The following STK39 variants were observed in gnomAD, a reference collection of about 807,000 sequenced individuals.
The protein encoded by STK39 is serine/threonine kinase 39.
A neutral mutation model predicts 77.8 loss-of-function variants in STK39; 20 were observed. That is an observed-to-expected ratio of 0.26 (90% CI 0.18 to 0.37). The LOEUF is 0.37. Among genes scored for constraint, STK39 ranks in the 10% least tolerant of loss-of-function variants. The pLI is 1.00. For synonymous variants in STK39, 246 were observed against 234.1 expected, an observed-to-expected ratio of 1.05 and a Z score of -0.47; for missense variants, 479 against 656.5, an observed-to-expected ratio of 0.73 and a Z score of 2.95.
At chr2:168,087,038 G>T (rs1686385940) in intron 10 of STK39, among the ~76,000 whole-genome samples, 1 of 152,210 alleles carries the variant, frequency 6.6e-6, no homozygotes, top group South Asian at 2.1e-4. Context: ...AAGCTGATCT[G>T]TAACTTTAGC....
At chr2:168,005,864 G>A (rs1684120490) in intron 16 of STK39, among the ~76,000 whole-genome samples, 1 of 152,148 alleles carries the variant, frequency 6.6e-6, no homozygotes. Flanking sequence ...TTCTTCATGT[G>A]CAGGAAAAGA....
chr2:168,027,403 C>T (rs193170743), intron 14 of STK39, among the ~76,000 whole-genome samples: 5 of 152,298 alleles, frequency 3.3e-5, no homozygotes, highest in African/African-American at 9.6e-5. Flanking sequence ...CACCTCCACA[C>T]GTGCAGAAAT....
chr2:168,184,309 T>C (rs747375081), intron 1 of STK39, among the ~76,000 whole-genome samples: 1 of 152,218 alleles, frequency 6.6e-6, no homozygotes, highest in Non-Finnish European at 1.5e-5. Flanking sequence ...GTTACTGCTT[T>C]ACAACTACAG....
At chr2:168,223,251 T>TATA (rs772183812) in intron 1 of STK39, among the ~76,000 whole-genome samples, 6 of 152,122 alleles carry the variant, frequency 3.9e-5, no homozygotes, top group Non-Finnish European at 7.3e-5. Flanking sequence ...GGCTCATGCC[T>TATA]ATAATCTCAG....
intron 2 of STK39, among the ~76,000 whole-genome samples, chr2:168,170,672 G>A (rs1401351072): frequency 1.3e-5 from 2 of 152,218 alleles, no homozygotes; most frequent in African/African-American, 2.4e-5. Context: ...AGGCAGAGAG[G>A]AAGGTTGGGG....
intron 16 of STK39, among the ~76,000 whole-genome samples, chr2:167,980,860 T>C (rs1683399281): frequency 6.6e-6 from 1 of 151,840 alleles, no homozygotes; most frequent in African/African-American, 2.4e-5. Flanking sequence ...CCAAAACCTT[T>C]AAAGGTTTTA....
chr2:167,988,235 C>T (rs1683608381), intron 16 of STK39, among the ~76,000 whole-genome samples: 2 of 152,154 alleles, frequency 1.3e-5, no homozygotes, highest in African/African-American at 4.8e-5. Context: ...GAGTCCCCTC[C>T]CCTATATCAG....
intron 5 of STK39, among the ~76,000 whole-genome samples, chr2:168,141,802 C>T (rs1006254877): frequency 5.3e-5 from 8 of 152,248 alleles, no homozygotes; most frequent in East Asian, 3.9e-4. Flanking sequence ...AGGGTGACAG[C>T]AATTACCAAA....
intron 16 of STK39, among the ~76,000 whole-genome samples, chr2:167,997,190 G>A (rs1683867587): frequency 1.3e-5 from 2 of 151,926 alleles, no homozygotes; most frequent in African/African-American, 4.8e-5. Context: ...GGCAAACACA[G>A]TGAATCTTGT....
chr2:168,197,987 G>A (rs138267169), intron 1 of STK39, among the ~76,000 whole-genome samples: 3,380 of 150,022 alleles, frequency 0.023, 124 homozygotes, highest in African/African-American at 0.078. Flanking sequence ...GCAGTGAGCC[G>A]AGACTGTGCC....
At chr2:168,238,694 G>A (rs990969629) in intron 1 of STK39, among the ~76,000 whole-genome samples, 1 of 152,134 alleles carries the variant, frequency 6.6e-6, no homozygotes, top group Admixed American at 6.5e-5. Context: ...TATCTAAATC[G>A]ACTCTAGAAA....
chr2:168,092,763 T>G (rs1686557375), intron 10 of STK39, among the ~76,000 whole-genome samples: 1 of 152,198 alleles, frequency 6.6e-6, no homozygotes, highest in African/African-American at 2.4e-5. Flanking sequence ...ACCATCATTT[T>G]TTTTTCTTTT....
intron 1 of STK39, among the ~76,000 whole-genome samples, chr2:168,231,551 C>T (rs1482014022): frequency 6.6e-6 from 1 of 151,790 alleles, no homozygotes; most frequent in Non-Finnish European, 1.5e-5. Context: ...ACATGTTTTT[C>T]ACTGGGTGTA....
At position 168,220,468 on chromosome 2, in the gene STK39, G is replaced by T. The variant is rs550013660; in HGVS notation, c.208+26760C>A. ...ATCTTTGGCTTCATTTTCTTCATTGGCTTGATATCAATCTTAAATGAGATG... is the reference window on the plus strand; with the variant it reads ...ATCTTTGGCTTCATTTTCTTCATTGTCTTGATATCAATCTTAAATGAGATG... On this transcript the variant is annotated intron_variant, in intron 1 of 17. Coordinates refer to ENST00000355999, the MANE Select transcript of STK39 (RefSeq NM_013233.3). Among the ~76,000 whole-genome samples the T allele has an allele frequency of 1.1e-3, 168 of 152,204 alleles. 2 individuals carry two copies. Among genetic ancestry groups the T allele is most frequent in the African/African-American group, 3.7e-3 (155 of 41,502 alleles).
chr2:168,010,768 T>G (rs954331794), intron 16 of STK39, among the ~76,000 whole-genome samples: 1 of 152,254 alleles, frequency 6.6e-6, no homozygotes, highest in Admixed American at 6.5e-5. Context: ...ATCATTTGTA[T>G]GTAAATAACA....
chr2:168,237,439 C>T (rs1481486444), intron 1 of STK39, among the ~76,000 whole-genome samples: 1 of 152,134 alleles, frequency 6.6e-6, no homozygotes, highest in East Asian at 1.9e-4. Flanking sequence ...CCTTTATTTC[C>T]TTCTCCTGCC....
At chr2:168,189,088 C>A (rs1300772117) in intron 1 of STK39, among the ~76,000 whole-genome samples, 3 of 151,818 alleles carry the variant, frequency 2.0e-5, no homozygotes, top group African/African-American at 7.3e-5. Flanking sequence ...TTAGAGCTTA[C>A]CAAAAAAATA....
Position 168,247,296 on chromosome 2 carries a change from G to GGGGCCC in STK39, c.139_140insGGGCCC (p.Ala46_Pro47insArgAla). On this transcript the variant is annotated inframe_insertion, in exon 1 of 18. Transcript: ENST00000355999. The stretch of plus-strand genomic sequence containing the variant: ...GCCGACAGCCTGTGCCGCCGGGGCC[G>GGGGCCC]GGGCCGGGGCCGGGGCCGCGGGAGC... 9.7e-7 allele frequency: 1 copy of GGGGCCC among 1,030,240 alleles called. No individual in the cohort carries two copies. The highest frequency in any genetic ancestry group is 1.2e-6 in the Non-Finnish European group (1 of 856,634). 63.8% of individuals were successfully genotyped at this position (1,030,240 alleles called of 1,614,324 possible).
chr2:168,054,916 T>C (rs1412600423), intron 14 of STK39, among the ~76,000 whole-genome samples: 1 of 152,238 alleles, frequency 6.6e-6, no homozygotes, highest in Non-Finnish European at 1.5e-5. Context: ...TCTCTCTTCT[T>C]ACTGCATTTA....
Sources: gnomAD v4.1 joint callset for allele counts (sites outside exome capture counted in the v4.1 genomes callset) on GRCh38, gnomAD v4.1.1 for gene constraint, MANE v1.5 for transcripts, NCBI Gene and HGNC (gene_info 2026-07-23, HGNC 2026-07-21) for gene names.